Variants in RFX7 observed in about 807,000 individuals in gnomAD.
RFX7 encodes the protein regulatory factor X7.
Under a neutral mutation model 111.8 loss-of-function variants are expected in RFX7, and 26 were observed. That is an observed-to-expected ratio of 0.23 (90% confidence interval 0.17 to 0.32). RFX7 has a LOEUF of 0.32. Ranked by LOEUF, RFX7 falls within the 10% of genes least tolerant of loss-of-function variation. The pLI is 1.00. For synonymous variants in RFX7, 624 were observed against 624.4 expected, an observed-to-expected ratio of 1.00 and a Z score of 0.01; for missense variants, 1,573 against 1,772.9, an observed-to-expected ratio of 0.89 and a Z score of 2.02.
rs1462131158 is a variant in RFX7, at chr15:56,243,301, G to A, written c.-2-14C>T. 1.5e-5 allele frequency: 17 copies of A among 1,099,478 alleles called. No individual in the cohort carries two copies. Among genetic ancestry groups the A allele is most frequent in the African/African-American group, 1.7e-5 (1 of 59,096 alleles). The allele number at this position is 1,099,478 out of a possible 1,614,324, so 68.1% of individuals were successfully genotyped here. On this transcript the variant is annotated splice_polypyrimidine_tract_variant and intron_variant, in intron 1 of 9. Coordinates refer to ENST00000559447, the MANE Select transcript of RFX7 (RefSeq NM_022841.7). ...CCTCTGCCATCGCTGCAGAGGGGTG[G>A]GAGGGAGGGAGGGAAAGATGGGGGC... is the stretch of plus-strand genomic sequence containing the variant.
At chr15:56,121,141 A>G (rs1392673453) in intron 5 of RFX7, among the ~76,000 whole-genome samples, 1 of 152,338 alleles carries the variant, frequency 6.6e-6, no homozygotes, top group Non-Finnish European at 1.5e-5. Flanking sequence ...CAGACTGAAG[A>G]ACTCTGTTTA....
At chr15:56,102,792 C>T (rs759991883) in intron 6 of RFX7, among the ~76,000 whole-genome samples, 31 of 152,134 alleles carry the variant, frequency 2.0e-4, no homozygotes, top group Non-Finnish European at 1.6e-4. Context: ...TTAGAGAACA[C>T]CTGGAACCAT....
chr15:56,187,177 A>G (rs2043049055), intron 2 of RFX7, among the ~76,000 whole-genome samples: 1 of 152,100 alleles, frequency 6.6e-6, no homozygotes, highest in Non-Finnish European at 1.5e-5. Flanking sequence ...ACTGGAAGGA[A>G]GTTAGCCTTA....
At chr15:56,130,883 A>C (rs1018465300) in intron 5 of RFX7, among the ~76,000 whole-genome samples, 3 of 152,176 alleles carry the variant, frequency 2.0e-5, no homozygotes, top group Non-Finnish European at 4.4e-5. Flanking sequence ...AAATTGATGA[A>C]TAAAGTAAAA....
In RFX7 at chr15:56,094,397, A is replaced by G. The variant is rs2041642174; in HGVS notation, c.3331T>C (p.Ser1111Pro). ...AVPGQSYQSQSRHHDTHFGRL... is the reference protein window; with the variant it reads ...AVPGQSYQSQPRHHDTHFGRL... ...CCAAAATGAGTGTCATGATGTCTGG[A>G]TTGAGACTGATAAGACTGTCCAGGC... The change falls in exon 10 of 10, where the codon TCC becomes CCC. Residue 1111 changes from serine to proline, a missense_variant. Transcript: ENST00000559447. 1.9e-6 allele frequency: 3 copies of G among 1,613,808 alleles called. No homozygotes were observed. Among genetic ancestry groups the G allele is most frequent in the Non-Finnish European group, 2.5e-6 (3 of 1,179,864 alleles).
chr15:56,097,746 C>CAAAA lies in RFX7; in HGVS notation c.1107+331_1107+334dup, dbSNP rs67718449. ...TGGGAGACAGAGCAAGACTCTGTCT[C>CAAAA]AAAAAAAAAAAAAAAAAAAAAAAAA... On this transcript the variant is annotated intron_variant, in intron 9 of 9. Transcript: ENST00000559447. Among the ~76,000 whole-genome samples, 96 of 47,228 alleles carry CAAAA rather than the reference C, an allele frequency of 2.0e-3. 10 individuals carry two copies. The highest frequency in any genetic ancestry group is 2.5e-3 in the Non-Finnish European group (75 of 30,164). The allele number at this position is 47,228 out of a possible 152,430, so 31.0% of individuals were successfully genotyped here. A position where few individuals can be genotyped will look rare whatever the true frequency, so the allele number is the denominator to read the frequency against.
At chr15:56,119,734 GC>G (rs1297762956) in intron 5 of RFX7, among the ~76,000 whole-genome samples, 2 of 148,486 alleles carry the variant, frequency 1.3e-5, no homozygotes, top group East Asian at 4.0e-4. Flanking sequence ...CTGAGATCGC[GC>G]CATTGGACTC....
In RFX7 at chr15:56,150,681, C is replaced by T. The variant is rs545941078; in HGVS notation, c.196-6198G>A. On this transcript the variant is annotated intron_variant, in intron 3 of 9. Coordinates refer to ENST00000559447, the MANE Select transcript of RFX7 (RefSeq NM_022841.7). ...CCTCCTCCAAAGGATCACAACCCCT[C>T]GCCAGCAAGGGAACAAAATTGGATG... Among the ~76,000 whole-genome samples, 10 of 152,262 alleles carry T rather than the reference C, an allele frequency of 6.6e-5. No homozygotes were observed. The South Asian group carries it at 1.2e-3, about 19-fold the overall frequency.
At chr15:56,159,726 T>C (rs1595976947) in intron 3 of RFX7, among the ~76,000 whole-genome samples, 1 of 152,180 alleles carries the variant, frequency 6.6e-6, no homozygotes, top group African/African-American at 2.4e-5. Flanking sequence ...GGTGTTCCTG[T>C]TTGCTCCGGA....
In RFX7 at chr15:56,238,333, T is replaced by C. The variant is rs191450935; in HGVS notation, c.161+4792A>G. Reference sequence around the variant, plus strand: ...ATCATCATAAGAAAGTAAAACAAAATTGTTCAATTTGGGTTTTAACTAGAA... The same window carrying C: ...ATCATCATAAGAAAGTAAAACAAAACTGTTCAATTTGGGTTTTAACTAGAA... On this transcript the variant is annotated intron_variant, in intron 2 of 9. Coordinates refer to ENST00000559447, the MANE Select transcript of RFX7 (RefSeq NM_022841.7). Among the ~76,000 whole-genome samples, 65 of 152,272 alleles carry C rather than the reference T, an allele frequency of 4.3e-4. 1 individual carries two copies. The highest frequency in any genetic ancestry group is 1.2e-3 in the East Asian group (6 of 5,166).
At chr15:56,233,552 C>T (rs1018204039) in intron 2 of RFX7, among the ~76,000 whole-genome samples, 5 of 151,602 alleles carry the variant, frequency 3.3e-5, no homozygotes, top group Non-Finnish European at 7.4e-5. Context: ...ATACTGGACA[C>T]GAGGATGAGA....
intron 2 of RFX7, among the ~76,000 whole-genome samples, chr15:56,196,724 T>G (rs1481974084): frequency 6.6e-6 from 1 of 152,214 alleles, no homozygotes; most frequent in African/African-American, 2.4e-5. Context: ...TATTAAGCCA[T>G]CAAGTCTGTG....
intron 2 of RFX7, among the ~76,000 whole-genome samples, chr15:56,224,250 C>A (rs1467869625): frequency 5.3e-5 from 8 of 151,994 alleles, no homozygotes; most frequent in Non-Finnish European, 1.2e-4. Context: ...GCTGAAAACT[C>A]AAGTTGCAAA....
chr15:56,140,524 C>G (rs1426546985), intron 5 of RFX7, among the ~76,000 whole-genome samples: 2 of 152,202 alleles, frequency 1.3e-5, no homozygotes, highest in East Asian at 3.9e-4. Flanking sequence ...TCTGGCACTC[C>G]CTAGTGAGAT....
intron 2 of RFX7, among the ~76,000 whole-genome samples, chr15:56,228,799 C>G: frequency 6.6e-6 from 1 of 152,036 alleles, no homozygotes; most frequent in East Asian, 1.9e-4. Context: ...TTCCAGTACC[C>G]CCAGTGGATG....
At chr15:56,196,445 T>C (rs1411731096) in intron 2 of RFX7, among the ~76,000 whole-genome samples, 15 of 152,272 alleles carry the variant, frequency 9.9e-5, no homozygotes, top group African/African-American at 3.6e-4. Flanking sequence ...TGTATCACTC[T>C]TTTTTTTAAA....
intron 2 of RFX7, among the ~76,000 whole-genome samples, chr15:56,211,257 G>A (rs1030239322): frequency 6.6e-6 from 1 of 151,992 alleles, no homozygotes; most frequent in Non-Finnish European, 1.5e-5. Flanking sequence ...CAGAAATATA[G>A]CCAACTGATC....
At chr15:56,162,084 A>G (rs1307720387) in intron 3 of RFX7, among the ~76,000 whole-genome samples, 1 of 152,088 alleles carries the variant, frequency 6.6e-6, no homozygotes, top group Non-Finnish European at 1.5e-5. Flanking sequence ...ATCAGCAAGA[A>G]GGATAAGGTT....
At chr15:56,186,482 G>A (rs542257084) in intron 2 of RFX7, among the ~76,000 whole-genome samples, 35 of 152,034 alleles carry the variant, frequency 2.3e-4, no homozygotes, top group African/African-American at 7.0e-4. Flanking sequence ...TTTTATATAC[G>A]TATATAACCT....
Sources: gnomAD v4.1 joint callset for allele counts (sites outside exome capture counted in the v4.1 genomes callset) on GRCh38, gnomAD v4.1.1 for gene constraint, MANE v1.5 for transcripts, NCBI Gene and HGNC (gene_info 2026-07-23, HGNC 2026-07-21) for gene names.